The following GRIN2A variants were observed in gnomAD, a reference collection of about 807,000 sequenced individuals.
GRIN2A encodes the protein glutamate receptor ionotropic, NMDA 2A.
Under a neutral mutation model 113.4 loss-of-function variants are expected in GRIN2A, and 22 were observed. The observed-to-expected ratio is 0.19, with a 90% CI of 0.14 to 0.28. The LOEUF is 0.28. Ranked by LOEUF, GRIN2A falls within the 10% of genes least tolerant of loss-of-function variation. GRIN2A has a pLI of 1.00. For synonymous variants in GRIN2A, 827 were observed against 738.4 expected, an observed-to-expected ratio of 1.12 and a Z score of -1.94; for missense variants, 1,502 against 1,887.0, an observed-to-expected ratio of 0.80 and a Z score of 3.78.
intron 2 of GRIN2A, among the ~76,000 whole-genome samples, chr16:9,980,153 G>A (rs570563912): frequency 4.3e-4 from 66 of 151,818 alleles, no homozygotes; most frequent in African/African-American, 1.5e-3. Flanking sequence ...CACGCCTGCA[G>A]TCACAGCTAC....
chr16:9,959,761 G>A (rs1319763056), intron 2 of GRIN2A, among the ~76,000 whole-genome samples: 1 of 152,176 alleles, frequency 6.6e-6, no homozygotes, highest in Non-Finnish European at 1.5e-5. Flanking sequence ...ATCACCTGAG[G>A]TCAGGAGTTC....
At position 9,966,187 on chromosome 16, in the gene GRIN2A, G is replaced by T. The variant is rs200106575; in HGVS notation, c.415-27636C>A. Among the ~76,000 whole-genome samples the T allele has an allele frequency of 5.9e-5, 9 of 152,188 alleles. No homozygotes were observed. The East Asian group carries it at 1.7e-3, about 29-fold the overall frequency. ...TTACACAGGTAAACTTGTGCCATGG[G>T]GGTTTGTTGTACAGGTTATTTCATC... On this transcript the variant is annotated intron_variant, in intron 2 of 12. Transcript: ENST00000330684.
chr16:9,891,606 G>C (rs1293760184), intron 3 of GRIN2A, among the ~76,000 whole-genome samples: 1 of 152,172 alleles, frequency 6.6e-6, no homozygotes, highest in East Asian at 1.9e-4. Context: ...GGGGAGGATA[G>C]TCATGAATTG....
chr16:10,144,875 C>T (rs57036653), intron 2 of GRIN2A, among the ~76,000 whole-genome samples: 6,491 of 134,660 alleles, frequency 0.048, 342 homozygotes, highest in African/African-American at 0.13. Flanking sequence ...GAGCTGAGAT[C>T]GTGCCACTGT....
At chr16:9,807,957 G>C (rs953917758) in intron 10 of GRIN2A, among the ~76,000 whole-genome samples, 1 of 152,150 alleles carries the variant, frequency 6.6e-6, no homozygotes, top group Non-Finnish European at 1.5e-5. Context: ...AGCACTATGC[G>C]ATGCTGTATT....
At chr16:9,787,240 C>A (rs1169392679) in intron 11 of GRIN2A, among the ~76,000 whole-genome samples, 1 of 151,660 alleles carries the variant, frequency 6.6e-6, no homozygotes, top group East Asian at 1.9e-4. Context: ...AATAGAAACA[C>A]TGAGGCTTCA....
intron 2 of GRIN2A, among the ~76,000 whole-genome samples, chr16:9,950,320 G>A (rs577759837): frequency 6.6e-6 from 1 of 152,170 alleles, no homozygotes; most frequent in East Asian, 1.9e-4. Flanking sequence ...GCTTTTCCTA[G>A]GTATCTTTAG....
At chr16:10,030,084 G>A (rs1016214416) in intron 2 of GRIN2A, among the ~76,000 whole-genome samples, 1 of 152,092 alleles carries the variant, frequency 6.6e-6, no homozygotes, top group African/African-American at 2.4e-5. Flanking sequence ...ATCACTGATT[G>A]TGTAAAGCAA....
At chr16:9,807,293 G>A (rs2041994739) in intron 10 of GRIN2A, among the ~76,000 whole-genome samples, 1 of 20,286 alleles carries the variant, frequency 4.9e-5, no homozygotes, top group African/African-American at 2.1e-4. Flanking sequence ...GGAGAGGGAG[G>A]GAGAGGGGGA....
intron 2 of GRIN2A, among the ~76,000 whole-genome samples, chr16:9,940,503 G>A (rs1295685256): frequency 6.6e-6 from 1 of 152,124 alleles, no homozygotes; most frequent in African/African-American, 2.4e-5. Context: ...AGCTCCTCAA[G>A]GGCAGAGATT....
intron 4 of GRIN2A, among the ~76,000 whole-genome samples, chr16:9,851,308 T>C (rs1447102273): frequency 1.3e-5 from 2 of 152,074 alleles, no homozygotes; most frequent in Non-Finnish European, 2.9e-5. Context: ...GGATGGCGAG[T>C]AGAGCAATTT....
intron 4 of GRIN2A, among the ~76,000 whole-genome samples, chr16:9,863,266 G>C (rs2043102352): frequency 6.6e-6 from 1 of 152,190 alleles, no homozygotes; most frequent in Non-Finnish European, 1.5e-5. Flanking sequence ...GCAGCACAGT[G>C]ATGTCCTGAG....
intron 2 of GRIN2A, among the ~76,000 whole-genome samples, chr16:9,957,009 C>T (rs959583118): frequency 1.6e-4 from 24 of 152,206 alleles, no homozygotes; most frequent in African/African-American, 5.3e-4. Context: ...TCTGACCTCT[C>T]AGTTGCCCAA....
intron 4 of GRIN2A, among the ~76,000 whole-genome samples, chr16:9,866,529 T>C (rs1038440128): frequency 2.0e-5 from 3 of 152,162 alleles, no homozygotes; most frequent in African/African-American, 7.2e-5. Context: ...ACAATCCCTT[T>C]GTGCACATTG....
chr16:9,764,310 C>G lies in GRIN2A; in HGVS notation c.3234G>C (p.Lys1078Asn). 1 of 1,614,056 alleles carries G rather than the reference C, an allele frequency of 6.2e-7. No individual in the cohort carries two copies. The highest frequency in any genetic ancestry group is 8.5e-7 in the Non-Finnish European group (1 of 1,180,000). Residue 1078 changes from lysine to asparagine, a missense_variant, in exon 13 of 13, where the codon AAG becomes AAC. This residue lies in a region of GRIN2A where 832 missense variants were observed against 789.7 expected (regional missense o/e 1.05). Transcript: ENST00000330684. ...TAAAGTTGTCCTTGGTTTTGTGGTTCTTACTGTTGTCAGGTTCCCTGTGGC... is the reference window on the plus strand; with the variant it reads ...TAAAGTTGTCCTTGGTTTTGTGGTTGTTACTGTTGTCAGGTTCCCTGTGGC... ...ATCHREPDNS[K>N]NHKTKDNFKR...
intron 11 of GRIN2A, among the ~76,000 whole-genome samples, chr16:9,772,861 C>T (rs934150758): frequency 6.9e-6 from 1 of 144,124 alleles, no homozygotes; most frequent in Non-Finnish European, 1.5e-5. Context: ...TTCCTTCTGC[C>T]CTTTGCCCAA....
At chr16:9,863,411 A>G (rs1567354567) in intron 4 of GRIN2A, among the ~76,000 whole-genome samples, 1 of 152,096 alleles carries the variant, frequency 6.6e-6, no homozygotes, top group African/African-American at 2.4e-5. Context: ...GCTTTTACTC[A>G]TGACAGTTTT....
At chr16:9,870,469 ACAAAAGTCC>A (rs1813645606) in intron 4 of GRIN2A, among the ~76,000 whole-genome samples, 1 of 152,208 alleles carries the variant, frequency 6.6e-6, no homozygotes, top group Non-Finnish European at 1.5e-5. Flanking sequence ...GGATAATAAT[ACAAAAGTCC>A]TAGAGTTAAT....
chr16:9,989,785 G>A (rs1348327863), intron 2 of GRIN2A, among the ~76,000 whole-genome samples: 1 of 152,098 alleles, frequency 6.6e-6, no homozygotes, highest in African/African-American at 2.4e-5. Flanking sequence ...ATGAAAAAAT[G>A]CTCAGCATCA....
Sources: gnomAD v4.1 joint callset for allele counts (sites outside exome capture counted in the v4.1 genomes callset) on GRCh38, gnomAD v4.1.1 for gene constraint, gnomAD v4.1.1 regional missense constraint, MANE v1.5 for transcripts, NCBI Gene and HGNC (gene_info 2026-07-23, HGNC 2026-07-21) for gene names.